Variants in RPH3A observed in about 807,000 individuals in gnomAD.
The protein encoded by RPH3A is rabphilin 3A.
RPH3A carries 48 observed loss-of-function variants against 102.2 expected under a neutral mutation model. The observed-to-expected ratio is 0.47, with a 90% confidence interval of 0.37 to 0.60. RPH3A has a LOEUF of 0.60. Ranked by LOEUF, RPH3A falls within the 20% of genes least tolerant of loss-of-function variation. RPH3A has a pLI of 0.00. For missense variants in RPH3A, 781 were observed against 910.1 expected (o/e 0.86, Z 1.83); for synonymous variants, 310 against 324.3 (o/e 0.96, Z 0.47).
intron 1 of RPH3A, among the ~76,000 whole-genome samples, chr12:112,637,713 T>C (rs191005152): frequency 6.6e-6 from 1 of 152,124 alleles, no homozygotes; most frequent in African/African-American, 2.4e-5. Flanking sequence ...CATATTATGT[T>C]ACCTTTTCCA....
chr12:112,724,521 A>T (rs1007809849), intron 1 of RPH3A, among the ~76,000 whole-genome samples: 1 of 152,212 alleles, frequency 6.6e-6, no homozygotes, highest in African/African-American at 2.4e-5. Context: ...AACTGTATAT[A>T]TACTGCTATT....
chr12:112,783,366 T>C (rs146362338), intron 1 of RPH3A, among the ~76,000 whole-genome samples: 1 of 152,230 alleles, frequency 6.6e-6, no homozygotes, highest in Non-Finnish European at 1.5e-5. Flanking sequence ...ATCCAATCTC[T>C]TCCTTCCCAC....
At chr12:112,743,242 G>GAGC in intron 1 of RPH3A, among the ~76,000 whole-genome samples, 1 of 152,178 alleles carries the variant, frequency 6.6e-6, no homozygotes, top group Non-Finnish European at 1.5e-5. Flanking sequence ...GGGTGGGGAG[G>GAGC]AGCAGCAGTA....
chr12:112,646,185 G>A (rs1002377633), intron 1 of RPH3A, among the ~76,000 whole-genome samples: 6 of 152,008 alleles, frequency 3.9e-5, no homozygotes, highest in Admixed American at 2.0e-4. Flanking sequence ...ATCTTGATTC[G>A]ACTGGCTTAA....
At chr12:112,681,015 T>A (rs185787660) in intron 1 of RPH3A, among the ~76,000 whole-genome samples, 1 of 152,294 alleles carries the variant, frequency 6.6e-6, no homozygotes, top group Admixed American at 6.5e-5. Flanking sequence ...AGGTTTGAAG[T>A]GCCTGTCCCT....
At position 112,791,899 on chromosome 12, in the gene RPH3A, A is replaced by AGAGAGAGAGAGAGAGAGG. The variant is rs1555209151; in HGVS notation, c.-247_-246insGAGAGAGAGAGGGAGAGA. The AGAGAGAGAGAGAGAGAGG allele has an allele frequency of 2.0e-5, 3 of 150,584 alleles. No homozygotes were observed. Among genetic ancestry groups the AGAGAGAGAGAGAGAGAGG allele is most frequent in the Non-Finnish European group, 3.0e-5 (2 of 67,482 alleles). 9.3% of individuals were successfully genotyped at this position (150,584 alleles called of 1,614,324 possible). A position where few individuals can be genotyped will look rare whatever the true frequency, so the allele number is the denominator to read the frequency against. ...GAGAGAGAGAGAGAGAGAGAGAGAG[A>AGAGAGAGAGAGAGAGAGG]GAGAGACTCACAGAGCTAAAACCTT... On this transcript the variant is annotated 5_prime_UTR_variant, in exon 1 of 22. Transcript: ENST00000389385.
intron 2 of RPH3A, among the ~76,000 whole-genome samples, chr12:112,818,283 A>G (rs2041714456): frequency 7.0e-6 from 1 of 142,112 alleles, no homozygotes; most frequent in African/African-American, 2.6e-5. Flanking sequence ...TGGGCGACAG[A>G]GTGAGATTCT....
intron 14 of RPH3A, among the ~76,000 whole-genome samples, chr12:112,881,033 A>G (rs2042899944): frequency 6.6e-6 from 1 of 152,092 alleles, no homozygotes; most frequent in African/African-American, 2.4e-5. Flanking sequence ...TCCTCATATA[A>G]GTGGACCCAC....
intron 21 of RPH3A, 87 bp from the exon 22 acceptor site, chr12:112,896,563 G>A: frequency 6.7e-7 from 1 of 1,498,468 alleles, no homozygotes; most frequent in Non-Finnish European, 9.2e-7. Flanking sequence ...GTCACTGCTT[G>A]GTGCAGTTTT....
chr12:112,766,684 C>T (rs1842874940), intron 1 of RPH3A, among the ~76,000 whole-genome samples: 1 of 152,112 alleles, frequency 6.6e-6, no homozygotes, highest in African/African-American at 2.4e-5. Flanking sequence ...GCCTGTCAGT[C>T]ATGGTTTAAG....
Position 112,678,291 on chromosome 12 carries a change from AAGAAAGAAAGAAAG to A in RPH3A, c.-140+102976_-140+102989del, listed in dbSNP as rs1197566380. Among the ~76,000 whole-genome samples the A allele has an allele frequency of 2.9e-3, 89 of 30,730 alleles. 11 individuals carry two copies. In the East Asian group the frequency reaches 0.031, roughly 11 times the overall value. The allele number at this position is 30,730 out of a possible 152,430, so 20.2% of individuals were successfully genotyped here. On this transcript the variant is annotated intron_variant, in intron 1 of 21. Transcript: ENST00000543106. ...AAAGAAAGAAAGAAAGAAAGAAAGA[AAGAAAGAAAGAAAG>A]AGAGAGAGAGAGAAAGAAAGAAAGA...
chr12:112,801,858 ATGTCCCT>A (rs1307615850), intron 2 of RPH3A, among the ~76,000 whole-genome samples: 7 of 152,112 alleles, frequency 4.6e-5, no homozygotes, highest in African/African-American at 1.7e-4. Context: ...TTGCTTGTAT[ATGTCCCT>A]TCAAAACAGT....
At chr12:112,729,848 G>A (rs886272576) in intron 1 of RPH3A, among the ~76,000 whole-genome samples, 4 of 152,158 alleles carry the variant, frequency 2.6e-5, no homozygotes, top group Admixed American at 6.5e-5. Context: ...AAATTCATAG[G>A]CTCAAGTCCT....
At chr12:112,723,701 T>C (rs898991365) in intron 1 of RPH3A, among the ~76,000 whole-genome samples, 1 of 152,230 alleles carries the variant, frequency 6.6e-6, no homozygotes, top group Non-Finnish European at 1.5e-5. Flanking sequence ...TGGAGAGATA[T>C]ACTGTTCACT....
chr12:112,789,288 G>C (rs748730327), upstream of RPH3A, among the ~76,000 whole-genome samples: 7 of 152,178 alleles, frequency 4.6e-5, no homozygotes, highest in Non-Finnish European at 5.9e-5. Flanking sequence ...CTAGCTCTTT[G>C]ATTATGGACA....
intron 1 of RPH3A, among the ~76,000 whole-genome samples, chr12:112,669,988 T>A (rs2040115830): frequency 6.6e-6 from 1 of 152,226 alleles, no homozygotes; most frequent in African/African-American, 2.4e-5. Context: ...CTATAAACAA[T>A]GTTATAGTGT....
At chr12:112,789,126 C>A (rs1428065041), upstream of RPH3A, among the ~76,000 whole-genome samples, 1 of 152,168 alleles carries the variant, frequency 6.6e-6, no homozygotes, top group Non-Finnish European at 1.5e-5. Flanking sequence ...CCACTGCACT[C>A]CAGCCTGTGT....
intron 1 of RPH3A, among the ~76,000 whole-genome samples, chr12:112,728,383 A>G (rs942808621): frequency 1.3e-5 from 2 of 151,684 alleles, no homozygotes; most frequent in African/African-American, 4.9e-5. Context: ...TTTCCAATTC[A>G]TCCTTTGGCA....
chr12:112,661,928 T>A (rs2040051370), intron 1 of RPH3A, among the ~76,000 whole-genome samples: 1 of 151,986 alleles, frequency 6.6e-6, no homozygotes, highest in Admixed American at 6.6e-5. Context: ...GCACCTGAGG[T>A]GCAGCTGTAC....
Sources: gnomAD v4.1 joint callset for allele counts (sites outside exome capture counted in the v4.1 genomes callset) on GRCh38, gnomAD v4.1.1 for gene constraint, MANE v1.5 for transcripts, NCBI Gene and HGNC (gene_info 2026-07-23, HGNC 2026-07-21) for gene names.